Variants in FAT3 observed in about 807,000 individuals in gnomAD.
FAT3 encodes the protein protocadherin Fat 3.
Under a neutral mutation model 310.2 loss-of-function variants are expected in FAT3, and 95 were observed. The ratio of observed to expected loss-of-function variants is 0.31; its 90% CI spans 0.26 to 0.36. FAT3 has a LOEUF of 0.36. Ranked by LOEUF, FAT3 falls within the 10% of genes least tolerant of loss-of-function variation. The pLI, the probability that FAT3 is intolerant of heterozygous loss-of-function variation, is 1.00. For missense variants in FAT3, 5,408 were observed against 5,715.6 expected (o/e 0.95, Z 1.74); for synonymous variants, 2,314 against 2,192.9 (o/e 1.06, Z -1.54).
intron 1 of FAT3, among the ~76,000 whole-genome samples, chr11:92,259,321 G>A (rs148778878): frequency 2.6e-5 from 4 of 152,102 alleles, no homozygotes; most frequent in South Asian, 2.1e-4. Flanking sequence ...CATTTAAAGC[G>A]GAAAAACACA....
chr11:92,545,692 A>G (rs768127948), intron 3 of FAT3, among the ~76,000 whole-genome samples: 3 of 152,170 alleles, frequency 2.0e-5, no homozygotes, highest in Non-Finnish European at 4.4e-5. Flanking sequence ...AAGGCAAGGC[A>G]CTCATGAGGG....
At chr11:92,478,948 C>CTTTTCT (rs1555058203) in intron 2 of FAT3, among the ~76,000 whole-genome samples, 2,989 of 114,522 alleles carry the variant, frequency 0.026, 84 homozygotes, top group Non-Finnish European at 0.033. Flanking sequence ...TTCTTTCTTT[C>CTTTTCT]TTTCTTTTCT....
At chr11:92,296,015 T>TAGAAGCTA (rs1166046428) in intron 1 of FAT3, among the ~76,000 whole-genome samples, 1 of 152,076 alleles carries the variant, frequency 6.6e-6, no homozygotes, top group African/African-American at 2.4e-5. Flanking sequence ...ATTGTGGAGA[T>TAGAAGCTA]AGAAGCTAAG....
In FAT3 at chr11:92,761,832, A is replaced by T. The variant is rs1043783614; in HGVS notation, c.3670-24A>T. The T allele has an allele frequency of 1.9e-6, 3 of 1,597,528 alleles. No individual in the cohort carries two copies. The African/African-American group carries it at 4.1e-5, about 22-fold the overall frequency. ...AGCAAGAATAATTTTCTCCTTTCTG[A>T]TCACATCATACTCTCTTTTTCAGGT... On this transcript the variant is annotated intron_variant, in intron 4 of 27. Transcript: ENST00000525166.
chr11:92,327,400 G>A (rs1947794765), intron 1 of FAT3, among the ~76,000 whole-genome samples: 1 of 152,126 alleles, frequency 6.6e-6, no homozygotes, highest in Non-Finnish European at 1.5e-5. Context: ...AGCTCTGATG[G>A]ATTCTTACTT....
chr11:92,340,769 C>T (rs1397820347), intron 1 of FAT3, among the ~76,000 whole-genome samples: 1 of 152,110 alleles, frequency 6.6e-6, no homozygotes, highest in African/African-American at 2.4e-5. Context: ...CTCATTAGCA[C>T]TGAGTACTAA....
At chr11:92,365,519 T>C (rs1948994945) in intron 2 of FAT3, among the ~76,000 whole-genome samples, 1 of 152,228 alleles carries the variant, frequency 6.6e-6, no homozygotes, top group Non-Finnish European at 1.5e-5. Context: ...ACATTTATCA[T>C]GCACCTGTTC....
intron 3 of FAT3, among the ~76,000 whole-genome samples, chr11:92,606,167 T>C (rs1940286792): frequency 6.6e-6 from 1 of 152,182 alleles, no homozygotes; most frequent in Admixed American, 6.5e-5. Flanking sequence ...TATGCCAGTG[T>C]TTTCTCCATC....
chr11:92,489,937 G>C (rs976400796), intron 2 of FAT3, among the ~76,000 whole-genome samples: 25 of 149,026 alleles, frequency 1.7e-4, no homozygotes, highest in Non-Finnish European at 5.9e-5. Context: ...AGGCAGCTCA[G>C]AAAACTAGTC....
At chr11:92,836,022 A>G (rs1169196901) in intron 15 of FAT3, among the ~76,000 whole-genome samples, 1 of 152,142 alleles carries the variant, frequency 6.6e-6, no homozygotes, top group Non-Finnish European at 1.5e-5. Flanking sequence ...CATTTCTTAT[A>G]CATCAGAAGT....
chr11:92,666,213 A>T (rs756739232), intron 3 of FAT3, among the ~76,000 whole-genome samples: 12 of 152,240 alleles, frequency 7.9e-5, no homozygotes, highest in Non-Finnish European at 1.5e-4. Flanking sequence ...AGGAACATCA[A>T]GCTTGAGAGG....
At chr11:92,335,227 A>AT (rs1948033828) in intron 1 of FAT3, among the ~76,000 whole-genome samples, 1 of 148,316 alleles carries the variant, frequency 6.7e-6, no homozygotes, top group Admixed American at 6.7e-5. Flanking sequence ...AAAAAAAAAA[A>AT]GGAAAAATAA....
At chr11:92,576,461 C>A (rs1242676393) in intron 3 of FAT3, among the ~76,000 whole-genome samples, 1 of 152,094 alleles carries the variant, frequency 6.6e-6, no homozygotes, top group Non-Finnish European at 1.5e-5. Flanking sequence ...GGATCGTGTT[C>A]ATTCCCAAGC....
At chr11:92,642,538 CTA>C (rs1288844430) in intron 3 of FAT3, among the ~76,000 whole-genome samples, 2 of 152,228 alleles carry the variant, frequency 1.3e-5, no homozygotes, top group Non-Finnish European at 2.9e-5. Flanking sequence ...AATTCACAGA[CTA>C]TATTTAAATC....
chr11:92,316,274 G>T (rs1267039324), intron 1 of FAT3, among the ~76,000 whole-genome samples: 1 of 152,064 alleles, frequency 6.6e-6, no homozygotes, highest in Non-Finnish European at 1.5e-5. Context: ...AATACAGAAG[G>T]TTTCCTTTCA....
intron 2 of FAT3, among the ~76,000 whole-genome samples, chr11:92,506,500 G>A (rs1953103466): frequency 6.6e-6 from 1 of 152,100 alleles, no homozygotes; most frequent in Non-Finnish European, 1.5e-5. Context: ...ACTATAACTA[G>A]CATCAGAATC....
intron 4 of FAT3, among the ~76,000 whole-genome samples, chr11:92,705,431 T>G (rs1591629207): frequency 1.6e-5 from 1 of 63,200 alleles, no homozygotes; most frequent in Non-Finnish European, 3.2e-5. Flanking sequence ...GTGGTGGTGG[T>G]GGTGATGGTG....
At chr11:92,770,340 C>A (rs937993045) in intron 6 of FAT3, among the ~76,000 whole-genome samples, 4 of 152,122 alleles carry the variant, frequency 2.6e-5, no homozygotes, top group African/African-American at 9.7e-5. Flanking sequence ...TCTTTCCAGC[C>A]ACTTTTTCCT....
chr11:92,799,802 C>T lies in FAT3; in HGVS notation c.6789C>T (p.Ala2263=), dbSNP rs1037179472. 1.2e-6 allele frequency: 2 copies of T among 1,612,958 alleles called. No individual in the cohort carries two copies. The highest frequency in any genetic ancestry group is 2.7e-5 in the African/African-American group (2 of 74,864). ...AYKLTIRASD[A]LTGARAEVTV... ...AGCTGACAATAAGAGCCAGCGACGCCCTTACTGGTGCTAGGGCTGAAGTCA... is the reference window on the plus strand; with the variant it reads ...AGCTGACAATAAGAGCCAGCGACGCTCTTACTGGTGCTAGGGCTGAAGTCA... Residue 2263 remains alanine, a synonymous_variant, in exon 10 of 28, where the codon GCC becomes GCT. Transcript: ENST00000525166.
Sources: gnomAD v4.1 joint callset for allele counts (sites outside exome capture counted in the v4.1 genomes callset) on GRCh38, gnomAD v4.1.1 for gene constraint, MANE v1.5 for transcripts, NCBI Gene and HGNC (gene_info 2026-07-23, HGNC 2026-07-21) for gene names.